Variants in NCOA1 observed in about 807,000 individuals in gnomAD.
NCOA1 encodes the protein nuclear receptor coactivator 1.
A neutral mutation model predicts 150.9 loss-of-function variants in NCOA1; 35 were observed. The ratio of observed to expected loss-of-function variants is 0.23; its 90% confidence interval spans 0.18 to 0.31. The LOEUF (loss-of-function observed/expected upper bound fraction) is 0.31. Among genes scored for constraint, NCOA1 ranks in the 10% least tolerant of loss-of-function variants. NCOA1 has a pLI of 1.00. For missense variants in NCOA1, 1,491 were observed against 1,749.3 expected, an observed-to-expected ratio of 0.85 and a Z score of 2.63; for synonymous variants, 590 against 630.0, an observed-to-expected ratio of 0.94 and a Z score of 0.95.
rs541293975 is a variant in NCOA1 at position 24,707,116 on chromosome 2, A to G, written c.1646A>G (p.Asn549Ser). Reference sequence around the variant, plus strand: ...TTACAGGGTATGAATGAAGGACCCAATAACTCCGTTGGCTTCTCTGCCAGT... The same window carrying G: ...TTACAGGGTATGAATGAAGGACCCAGTAACTCCGTTGGCTTCTCTGCCAGT... The part of the protein sequence containing the change: ...TSLQGMNEGP[N>S]NSVGFSASSP... Residue 549 changes from asparagine (N) to serine (S), a missense_variant, in exon 13 of 23, where the codon AAT (asparagine) becomes AGT (serine). Physicochemically the swap from Asn to Ser is conservative, Grantham distance 46. Around this residue, in one of 8 missense-constraint regions of NCOA1, gnomAD observed 703 missense variants for 717.7 expected, o/e 0.98. Coordinates refer to ENST00000348332, the MANE Select transcript of NCOA1 (RefSeq NM_003743.5). 3.5e-4 allele frequency: 558 copies of G among 1,614,194 alleles called. 10 individuals carry two copies. In the South Asian group the frequency reaches 5.7e-3, roughly 16 times the overall value.
intron 12 of NCOA1, 91 bp from the exon 13 acceptor site, chr2:24,706,477 A>C: frequency 7.3e-7 from 1 of 1,373,108 alleles, no homozygotes; most frequent in Non-Finnish European, 9.7e-7. Context: ...TATTAATGAG[A>C]TCAATGGTCT....
At position 24,672,907 on chromosome 2, in the gene NCOA1, G is replaced by A. The variant is rs55775334; in HGVS notation, c.257-459G>A. 7.3e-3 allele frequency among the ~76,000 whole-genome samples: 1,116 copies of A among 152,232 alleles called. 4 individuals carry two copies. Among genetic ancestry groups the A allele is most frequent in the Non-Finnish European group, 0.012 (811 of 68,016 alleles). On this transcript the variant is annotated intron_variant, in intron 6 of 22. Transcript: ENST00000348332. ...TTTATCAATCAGAGCATCATGGCAC[G>A]AATGTGAAATGTTAGTGAGTTCATG...
intron 1 of NCOA1, among the ~76,000 whole-genome samples, chr2:24,495,711 G>A (rs1249265733): frequency 6.6e-6 from 1 of 152,160 alleles, no homozygotes; most frequent in East Asian, 1.9e-4. Context: ...CAATTTTAAA[G>A]CATCTTTTAG....
intron 17 of NCOA1, among the ~76,000 whole-genome samples, chr2:24,737,741 C>T (rs1429256482): frequency 6.6e-6 from 1 of 152,188 alleles, no homozygotes; most frequent in African/African-American, 2.4e-5. Context: ...ATGTGTCCGT[C>T]TATGCAGACA....
intron 1 of NCOA1, among the ~76,000 whole-genome samples, chr2:24,553,286 T>G (rs749387530): frequency 3.3e-5 from 5 of 152,040 alleles, no homozygotes; most frequent in Non-Finnish European, 7.4e-5. Flanking sequence ...GTGGGCGATC[T>G]TGGCTTACTG....
At chr2:24,567,494 A>T (rs559211473) in intron 2 of NCOA1, among the ~76,000 whole-genome samples, 1 of 152,334 alleles carries the variant, frequency 6.6e-6, no homozygotes, top group East Asian at 1.9e-4. Flanking sequence ...TCTTTTATTC[A>T]GAATGGTTAC....
At chr2:24,669,969 G>A (rs1671609426) in intron 6 of NCOA1, among the ~76,000 whole-genome samples, 1 of 152,026 alleles carries the variant, frequency 6.6e-6, no homozygotes, top group African/African-American at 2.4e-5. Flanking sequence ...AAGACCCTCT[G>A]TCTACAAAAA....
At chr2:24,703,330 TCTTA>T (rs1673257079) in intron 11 of NCOA1, among the ~76,000 whole-genome samples, 2 of 152,264 alleles carry the variant, frequency 1.3e-5, no homozygotes, top group Admixed American at 6.5e-5. Context: ...AACTGGAGAG[TCTTA>T]CTGAGTTCTA....
chr2:24,707,124 G>A lies in NCOA1; in HGVS notation c.1654G>A (p.Val552Ile), dbSNP rs144977620. ...QGMNEGPNNS[V>I]GFSASSPVLR... ...TATGAATGAAGGACCCAATAACTCC[G>A]TTGGCTTCTCTGCCAGTTCTCCAGT... Residue 552 changes from valine to isoleucine, a missense_variant, in exon 13 of 23, where the codon GTT (valine) becomes ATT (isoleucine). Val to Ile is a conservative substitution (Grantham distance 29). This residue lies in a region of NCOA1 where 703 missense variants were observed against 717.7 expected (regional missense o/e 0.98). Coordinates refer to ENST00000348332, the MANE Select transcript of NCOA1 (RefSeq NM_003743.5). The A allele has an allele frequency of 1.2e-5, 19 of 1,614,028 alleles. No individual in the cohort carries two copies. Among genetic ancestry groups the A allele is most frequent in the East Asian group, 4.5e-5 (2 of 44,892 alleles).
chr2:24,548,596 A>G (rs779506941), intron 1 of NCOA1, among the ~76,000 whole-genome samples: 1 of 152,240 alleles, frequency 6.6e-6, no homozygotes, highest in Non-Finnish European at 1.5e-5. Flanking sequence ...CCTTCCGCCT[A>G]TGAGCCTGTA....
intron 3 of NCOA1, among the ~76,000 whole-genome samples, chr2:24,638,181 T>C (rs953750048): frequency 2.6e-5 from 2 of 76,520 alleles, no homozygotes; most frequent in African/African-American, 9.2e-5. Context: ...TGAGATCAAC[T>C]TTTTTTTTTT....
chr2:24,754,649 T>C (rs962033662), intron 20 of NCOA1, among the ~76,000 whole-genome samples: 2 of 152,138 alleles, frequency 1.3e-5, no homozygotes, highest in African/African-American at 4.8e-5. Flanking sequence ...GGCGCCTCCT[T>C]TCCATTCTTT....
chr2:24,716,482 CA>C (rs1400019301), intron 14 of NCOA1, among the ~76,000 whole-genome samples: 1 of 152,046 alleles, frequency 6.6e-6, no homozygotes, highest in Non-Finnish European at 1.5e-5. Context: ...GGTGATATAA[CA>C]ACTGAACATC....
intron 4 of NCOA1, among the ~76,000 whole-genome samples, chr2:24,645,143 C>A (rs1004505171): frequency 1.6e-4 from 24 of 151,986 alleles, no homozygotes; most frequent in South Asian, 4.1e-4. Context: ...ACTGGAGGTA[C>A]AAAATTATTT....
intron 3 of NCOA1, among the ~76,000 whole-genome samples, chr2:24,627,073 T>G (rs1482364516): frequency 6.6e-6 from 1 of 151,814 alleles, no homozygotes; most frequent in Non-Finnish European, 1.5e-5. Flanking sequence ...ATAATTTGAT[T>G]TTAAAATTCC....
chr2:24,563,058 C>T (rs1005833981), intron 1 of NCOA1, among the ~76,000 whole-genome samples: 5 of 152,092 alleles, frequency 3.3e-5, no homozygotes, highest in African/African-American at 7.2e-5. Context: ...CAGATTTAGC[C>T]CAGTGGTTGA....
chr2:24,733,754 C>CAA (rs1489162219), intron 17 of NCOA1, among the ~76,000 whole-genome samples: 1 of 151,090 alleles, frequency 6.6e-6, no homozygotes, highest in Admixed American at 6.6e-5. Context: ...AAAAACAAAA[C>CAA]AAAACAAAAC....
chr2:24,608,246 C>CTATTAT (rs202179395), intron 3 of NCOA1, among the ~76,000 whole-genome samples: 4,189 of 131,796 alleles, frequency 0.032, 88 homozygotes, highest in East Asian at 0.041. Flanking sequence ...CCCAGTTCCC[C>CTATTAT]TATTATTATT....
intron 2 of NCOA1, among the ~76,000 whole-genome samples, chr2:24,582,409 C>T (rs914930787): frequency 1.3e-5 from 2 of 152,006 alleles, no homozygotes; most frequent in Non-Finnish European, 2.9e-5. Flanking sequence ...GGTGAAATAT[C>T]TCTACAATAA....
Sources: gnomAD v4.1 joint callset for allele counts (sites outside exome capture counted in the v4.1 genomes callset) on GRCh38, gnomAD v4.1.1 for gene constraint, gnomAD v4.1.1 regional missense constraint, MANE v1.5 for transcripts, NCBI Gene and HGNC (gene_info 2026-07-23, HGNC 2026-07-21) for gene names.